TEAD4: variants seen among roughly 807,000 people sequenced by gnomAD.
The protein encoded by TEAD4 is TEA domain transcription factor 4.
In TEAD4, 36 loss-of-function variants were observed where a neutral mutation model predicts 52.4. The observed-to-expected ratio is 0.69, with a 90% CI of 0.53 to 0.91. The LOEUF is 0.91. TEAD4 is among the 40% of genes least tolerant of loss of function. The pLI is 0.00. For synonymous variants in TEAD4, 220 were observed against 231.0 expected (o/e 0.95, Z 0.43); for missense variants, 508 against 583.9 (o/e 0.87, Z 1.34).
chr12:3,007,552 C>T lies in TEAD4; in HGVS notation c.227-3452C>T, dbSNP rs1186483088. Among the ~76,000 whole-genome samples, 4 of 152,222 alleles carry T rather than the reference C, an allele frequency of 2.6e-5. No homozygotes were observed. In the East Asian group the frequency reaches 7.7e-4, roughly 29 times the overall value. On this transcript the variant is annotated intron_variant, in intron 3 of 12. Transcript: ENST00000359864. ...GTTAGGACCCAGCACTTACATGGGC[C>T]CCTTCCAAGTCCCTAAACTTAATTT...
chr12:3,032,777 C>T (rs534070571), intron 10 of TEAD4, among the ~76,000 whole-genome samples: 2 of 152,242 alleles, frequency 1.3e-5, no homozygotes, highest in South Asian at 2.1e-4. Flanking sequence ...GGCACCTTGG[C>T]GGTCATCTGC....
At chr12:2,980,981 A>G (rs558655745) in intron 2 of TEAD4, among the ~76,000 whole-genome samples, 4 of 152,214 alleles carry the variant, frequency 2.6e-5, no homozygotes, top group African/African-American at 9.6e-5. Context: ...ACAGCACTTC[A>G]CCTTAGGAGC....
chr12:2,962,800 C>T (rs143440146), intron 2 of TEAD4, among the ~76,000 whole-genome samples: 23 of 152,290 alleles, frequency 1.5e-4, no homozygotes, highest in African/African-American at 5.3e-4. Context: ...GAAACTGATG[C>T]TCCTAGAGGG....
intron 3 of TEAD4, among the ~76,000 whole-genome samples, chr12:3,008,768 T>C (rs2098257874): frequency 1.3e-5 from 2 of 152,142 alleles, no homozygotes; most frequent in Admixed American, 1.3e-4. Flanking sequence ...CTCTGAGCTG[T>C]TGAGAGTCTA....
In TEAD4 at chr12:2,965,833, C is replaced by T. The variant is rs376205567; in HGVS notation, c.-30+5793C>T. Among the ~76,000 whole-genome samples the T allele has an allele frequency of 1.7e-3, 257 of 152,204 alleles. 2 individuals carry two copies. The highest frequency in any genetic ancestry group is 5.6e-3 in the South Asian group (27 of 4,822). On this transcript the variant is annotated intron_variant, in intron 2 of 12. Transcript: ENST00000359864. ...TGCTGGGATTACAGGCGTGAGCCAC[C>T]GCGCCCGGCCATAAATTTTTTTAAA... is the stretch of plus-strand genomic sequence containing the variant.
At chr12:3,002,499 T>C (rs2098252514) in intron 3 of TEAD4, among the ~76,000 whole-genome samples, 3 of 152,250 alleles carry the variant, frequency 2.0e-5, no homozygotes, top group Non-Finnish European at 4.4e-5. Flanking sequence ...ATTTCGCATA[T>C]CCTCATCAGC....
chr12:2,988,723 C>T (rs572450906), intron 2 of TEAD4, among the ~76,000 whole-genome samples: 1 of 152,252 alleles, frequency 6.6e-6, no homozygotes, highest in South Asian at 2.1e-4. Context: ...ACCCTCCAAC[C>T]TCAGGGAGGC....
At chr12:2,999,618 C>T (rs977441805) in intron 3 of TEAD4, among the ~76,000 whole-genome samples, 4 of 152,226 alleles carry the variant, frequency 2.6e-5, no homozygotes, top group South Asian at 2.1e-4. Flanking sequence ...CTCCCGAGCC[C>T]GGGGTGCTTG....
chr12:2,983,064 C>T (rs556489482), intron 2 of TEAD4, among the ~76,000 whole-genome samples: 14 of 152,236 alleles, frequency 9.2e-5, no homozygotes, highest in African/African-American at 1.4e-4. Context: ...TGGCCTCCAC[C>T]GCACCCTCCA....
intron 10 of TEAD4, among the ~76,000 whole-genome samples, chr12:3,036,653 C>T (rs1014075059): frequency 2.0e-5 from 3 of 152,176 alleles, no homozygotes; most frequent in Non-Finnish European, 2.9e-5. Flanking sequence ...GTGGGAGGAG[C>T]GGCCTCCCCT....
intron 3 of TEAD4, among the ~76,000 whole-genome samples, chr12:3,007,101 C>A (rs575667522): frequency 6.6e-6 from 1 of 152,328 alleles, no homozygotes; most frequent in East Asian, 1.9e-4. Context: ...CCATTACTAG[C>A]CTCTCGCCGG....
chr12:2,972,586 G>A (rs1478398261), intron 2 of TEAD4, among the ~76,000 whole-genome samples: 2 of 122,434 alleles, frequency 1.6e-5, no homozygotes, highest in East Asian at 5.8e-4. Context: ...TGCAACCTCC[G>A]CCTCCTGGGT....
intron 2 of TEAD4, among the ~76,000 whole-genome samples, chr12:2,968,295 A>G (rs1246417588): frequency 2.0e-5 from 3 of 150,464 alleles, no homozygotes; most frequent in African/African-American, 7.3e-5. Context: ...CATGTTGGCC[A>G]GGCTGGTCTC....
intron 5 of TEAD4, among the ~76,000 whole-genome samples, chr12:3,015,283 A>G (rs1173347032): frequency 6.6e-6 from 1 of 151,948 alleles, no homozygotes; most frequent in Middle Eastern, 3.2e-3. Flanking sequence ...GTCCAAGCTC[A>G]CCTGGTCACC....
Position 3,017,399 on chromosome 12 carries a change from AC to A in TEAD4, c.358del (p.Gln120ArgfsTer58). 6.2e-7 allele frequency: 1 copy of A among 1,614,080 alleles called. No individual in the cohort carries two copies. Among genetic ancestry groups the A allele is most frequent in the South Asian group, 1.1e-5 (1 of 91,078 alleles). ...CCTCCCTTGCAATGTCTCCCCCAGG[AC>A]CAGGCAGCTAAGGACAAGGCCCTGC... On this transcript the variant is annotated frameshift_variant and splice_region_variant, in exon 6 of 13. Transcript: ENST00000359864. LOFTEE classifies it high-confidence loss of function.
Position 3,012,673 on chromosome 12 carries a change from G to A in TEAD4, c.354+441G>A, listed in dbSNP as rs921162557. Among the ~76,000 whole-genome samples, 13 of 152,326 alleles carry A rather than the reference G, an allele frequency of 8.5e-5. No homozygotes were observed. The East Asian group carries it at 1.2e-3, about 14-fold the overall frequency. On this transcript the variant is annotated intron_variant, in intron 5 of 12. Coordinates refer to ENST00000359864, the MANE Select transcript of TEAD4 (RefSeq NM_003213.4). ...TTCCTTCCTGCTTCCTGTCCTGTGG[G>A]ACTGGGTGTTCCTTCCCTTCCCTGG... is the stretch of plus-strand genomic sequence containing the variant.
intron 10 of TEAD4, among the ~76,000 whole-genome samples, chr12:3,031,456 A>G (rs569953517): frequency 2.6e-5 from 4 of 152,118 alleles, no homozygotes; most frequent in Non-Finnish European, 5.9e-5. Flanking sequence ...GCCTTTAGCT[A>G]TTGGTGATAT....
rs1305261230 is a variant in TEAD4 at position 3,010,992 on chromosome 12, G to T, written c.227-12G>T. ...CCTTCTCTCCACTGAGAGGCTGCTG[G>T]TGTCTCTGCAGGTCGGAACGAGCTG... On this transcript the variant is annotated splice_polypyrimidine_tract_variant and intron_variant, in intron 3 of 12. Coordinates refer to ENST00000359864, the MANE Select transcript of TEAD4 (RefSeq NM_003213.4). 6.2e-7 allele frequency: 1 copy of T among 1,614,090 alleles called. No individual in the cohort carries two copies. The highest frequency in any genetic ancestry group is 1.3e-5 in the African/African-American group (1 of 75,044).
At position 2,995,549 on chromosome 12, in the gene TEAD4, GC is replaced by G. The variant is rs970267027; in HGVS notation, c.226+565del. ...GCTGGAGACCACTCCCCTAGGAAAG[GC>G]CCCCCCCAACCCAGCAGAGGGTCAC... is the stretch of plus-strand genomic sequence containing the variant. On this transcript the variant is annotated intron_variant, in intron 3 of 12. Coordinates refer to ENST00000359864, the MANE Select transcript of TEAD4 (RefSeq NM_003213.4). Among the ~76,000 whole-genome samples the G allele has an allele frequency of 7.2e-5, 11 of 151,842 alleles. No homozygotes were observed. The South Asian group carries it at 8.4e-4, about 12-fold the overall frequency.
Sources: allele counts gnomAD v4.1 joint callset (sites outside exome capture counted in the v4.1 genomes callset), GRCh38; gene constraint gnomAD v4.1.1; transcripts MANE v1.5; gene names NCBI Gene and HGNC (gene_info 2026-07-23, HGNC 2026-07-21).